PTPRJ: variants seen among roughly 807,000 people sequenced by gnomAD.
PTPRJ encodes the protein protein tyrosine phosphatase receptor type J, also known as receptor-type tyrosine-protein phosphatase eta.
A neutral mutation model predicts 141.3 loss-of-function variants in PTPRJ; 129 were observed. That is an observed-to-expected ratio of 0.91 (90% confidence interval 0.79 to 1.06). The LOEUF is 1.06. PTPRJ is among the 50% of genes least tolerant of loss of function. The pLI is 0.00. For synonymous variants in PTPRJ, 610 were observed against 640.5 expected, an observed-to-expected ratio of 0.95 and a Z score of 0.72; for missense variants, 1,601 against 1,679.7, an observed-to-expected ratio of 0.95 and a Z score of 0.82.
chr11:48,131,417 A>G, intron 8 of PTPRJ: 1 of 723,944 alleles, frequency 1.4e-6, no homozygotes, highest in South Asian at 1.5e-5. Flanking sequence ...ACAAACATTG[A>G]GGCCATCTGT....
intron 1 of PTPRJ, among the ~76,000 whole-genome samples, chr11:48,030,788 C>T (rs1853959169): frequency 6.6e-6 from 1 of 151,962 alleles, no homozygotes; most frequent in Non-Finnish European, 1.5e-5. Context: ...GGAGGCCTTT[C>T]CTGCTGCATC....
intron 22 of PTPRJ, 137 bp from the exon 23 acceptor site, chr11:48,163,321 G>C (rs1857832257): frequency 2.7e-6 from 2 of 729,912 alleles, no homozygotes; most frequent in Non-Finnish European, 4.5e-6. Flanking sequence ...TTTATCAGCT[G>C]CTGTGCAAAT....
rs1200600135 is a variant in PTPRJ, at chr11:48,144,911, T to C, written c.2786+26T>C. ...GTAATGTCTTCTGGTTCTTACTCTT[T>C]GGGGGCTGAGCCTCATGAGCATAAA... On this transcript the variant is annotated intron_variant, in intron 13 of 24. Coordinates refer to ENST00000418331, the MANE Select transcript of PTPRJ (RefSeq NM_002843.4). The C allele has an allele frequency of 1.9e-6, 3 of 1,613,778 alleles. No individual in the cohort carries two copies. In the African/African-American group the frequency reaches 4.0e-5, roughly 22 times the overall value.
intron 3 of PTPRJ, among the ~76,000 whole-genome samples, chr11:48,113,541 G>T (rs1342738171): frequency 6.6e-6 from 1 of 152,124 alleles, no homozygotes; most frequent in Non-Finnish European, 1.5e-5. Context: ...GGCTTGTAAA[G>T]CCTGAAATAT....
intron 1 of PTPRJ, among the ~76,000 whole-genome samples, chr11:47,997,858 G>T (rs1421109377): frequency 8.5e-6 from 1 of 117,612 alleles, no homozygotes; most frequent in Non-Finnish European, 1.6e-5. Context: ...AGAGGCCTCA[G>T]GGTGTAAAGC....
intron 1 of PTPRJ, among the ~76,000 whole-genome samples, chr11:48,068,366 G>C (rs530695142): frequency 6.6e-6 from 1 of 152,238 alleles, no homozygotes; most frequent in African/African-American, 2.4e-5. Flanking sequence ...TAATTGAATG[G>C]GGGGGTGGTT....
chr11:48,019,316 A>G (rs1343242362), intron 1 of PTPRJ, among the ~76,000 whole-genome samples: 7 of 152,080 alleles, frequency 4.6e-5, no homozygotes, highest in Admixed American at 3.9e-4. Flanking sequence ...CCCCACTGCG[A>G]CAGCCTCTCC....
At chr11:48,057,532 G>T (rs1175950018) in intron 1 of PTPRJ, among the ~76,000 whole-genome samples, 1 of 152,086 alleles carries the variant, frequency 6.6e-6, no homozygotes, top group Non-Finnish European at 1.5e-5. Context: ...GCAGCCTTGG[G>T]TACCCAGAGG....
chr11:48,150,571 A>G (rs1310020699), intron 18 of PTPRJ, among the ~76,000 whole-genome samples: 18 of 152,200 alleles, frequency 1.2e-4, no homozygotes, highest in Admixed American at 1.2e-3. Flanking sequence ...GAAACTAGGA[A>G]TTCAAGTCAG....
At position 48,169,822 on chromosome 11, in the gene PTPRJ, C is replaced by T. The variant is rs1590579582; in HGVS notation, c.*2460C>T. 1 of 152,232 alleles carries T rather than the reference C, an allele frequency of 6.6e-6. No individual in the cohort carries two copies. The highest frequency in any genetic ancestry group is 1.9e-4 in the East Asian group (1 of 5,192). The allele number at this position is 152,232 out of a possible 1,614,324, so 9.4% of individuals were successfully genotyped here. A position where few individuals can be genotyped will look rare whatever the true frequency, so the allele number is the denominator to read the frequency against. ...GTGGGCTTGGGAAATGGGCAAGCGGCCCCAGCAATCATGGGAGGAACTCTT... is the reference window on the plus strand; with the variant it reads ...GTGGGCTTGGGAAATGGGCAAGCGGTCCCAGCAATCATGGGAGGAACTCTT... On this transcript the variant is annotated 3_prime_UTR_variant, in exon 25 of 25. Transcript: ENST00000418331.
intron 14 of PTPRJ, among the ~76,000 whole-genome samples, chr11:48,146,158 T>C (rs1857345878): frequency 1.3e-5 from 2 of 152,198 alleles, no homozygotes; most frequent in African/African-American, 4.8e-5. Context: ...AGTGAGACTT[T>C]TAAGGCCTAG....
chr11:48,112,607 G>C, intron 2 of PTPRJ, 140 bp from the exon 3 acceptor site: 1 of 677,770 alleles, frequency 1.5e-6, no homozygotes, highest in Non-Finnish European at 2.5e-6. Context: ...TGTTGTAGGT[G>C]ATGATACAAA....
At chr11:48,151,716 C>T (rs951558711) in intron 18 of PTPRJ, among the ~76,000 whole-genome samples, 6 of 151,332 alleles carry the variant, frequency 4.0e-5, no homozygotes, top group East Asian at 2.0e-4. Flanking sequence ...TCTGTCCTTG[C>T]GATCGTTTGC....
intron 1 of PTPRJ, among the ~76,000 whole-genome samples, chr11:47,992,215 C>T (rs1211848633): frequency 2.6e-5 from 4 of 152,082 alleles, no homozygotes; most frequent in African/African-American, 9.7e-5. Context: ...GCCCTGTCAC[C>T]CAGGCTGGAG....
intron 1 of PTPRJ, among the ~76,000 whole-genome samples, chr11:48,090,606 T>A (rs1468050133): frequency 6.6e-6 from 1 of 152,222 alleles, no homozygotes; most frequent in Non-Finnish European, 1.5e-5. Context: ...ATGCTGCTGT[T>A]TTTTAGACCC....
At chr11:48,032,664 CAGG>C (rs1229164675) in intron 1 of PTPRJ, among the ~76,000 whole-genome samples, 1 of 152,170 alleles carries the variant, frequency 6.6e-6, no homozygotes, top group Non-Finnish European at 1.5e-5. Context: ...GAGGCTGAAG[CAGG>C]AGAATTGCTT....
intron 3 of PTPRJ, among the ~76,000 whole-genome samples, chr11:48,113,893 C>T (rs763346835): frequency 1.1e-4 from 17 of 152,140 alleles, no homozygotes; most frequent in Admixed American, 2.0e-4. Context: ...AAAAATTCTC[C>T]GGGAGCCTTA....
chr11:48,125,854 G>T (rs145682136), intron 6 of PTPRJ, among the ~76,000 whole-genome samples: 1 of 152,176 alleles, frequency 6.6e-6, no homozygotes, highest in Non-Finnish European at 1.5e-5. Flanking sequence ...TTGAAGGAGG[G>T]TCCATTTGTG....
chr11:48,087,203 C>T (rs1279680335), intron 1 of PTPRJ, among the ~76,000 whole-genome samples: 1 of 152,154 alleles, frequency 6.6e-6, no homozygotes, highest in African/African-American at 2.4e-5. Context: ...CAGTGGTTCC[C>T]AAACACTGGT....
Sources: gnomAD v4.1 joint callset for allele counts (sites outside exome capture counted in the v4.1 genomes callset) on GRCh38, gnomAD v4.1.1 for gene constraint, MANE v1.5 for transcripts, NCBI Gene and HGNC (gene_info 2026-07-23, HGNC 2026-07-21) for gene names.